The following USH2A variants were observed in gnomAD, a reference collection of about 807,000 sequenced individuals.
USH2A encodes the protein usherin, also known as Usher syndrome 2A (autosomal recessive, mild).
A neutral mutation model predicts 538.9 loss-of-function variants in USH2A; 443 were observed. The observed-to-expected ratio is 0.82, with a 90% CI of 0.76 to 0.89. The LOEUF is 0.89. Ranked by LOEUF, USH2A falls within the 40% of genes least tolerant of loss-of-function variation. The pLI, the probability that USH2A is intolerant of heterozygous loss-of-function variation, is 0.00. For missense variants in USH2A, 6,633 were observed against 6,324.8 expected, an observed-to-expected ratio of 1.05 and a Z score of -1.65; for synonymous variants, 2,413 against 2,273.5, an observed-to-expected ratio of 1.06 and a Z score of -1.75.
chr1:216,126,827 A>T (rs1250069553), intron 21 of USH2A, among the ~76,000 whole-genome samples: 2 of 152,180 alleles, frequency 1.3e-5, no homozygotes, highest in East Asian at 3.9e-4. Flanking sequence ...ATCAATGGGG[A>T]TACTTAATGT....
intron 47 of USH2A, among the ~76,000 whole-genome samples, chr1:215,834,397 G>A (rs780488847): frequency 9.2e-5 from 14 of 152,122 alleles, no homozygotes; most frequent in Non-Finnish European, 1.8e-4. Flanking sequence ...TAATAAGATG[G>A]ACAAATCTTA....
chr1:216,283,266 A>G (rs1248527412), intron 11 of USH2A, among the ~76,000 whole-genome samples: 1 of 151,902 alleles, frequency 6.6e-6, no homozygotes, highest in East Asian at 1.9e-4. Context: ...TTGTTTTTGT[A>G]TTTGTAATAG....
intron 35 of USH2A, among the ~76,000 whole-genome samples, chr1:215,973,141 G>A (rs1181017065): frequency 6.6e-6 from 1 of 152,050 alleles, no homozygotes; most frequent in Non-Finnish European, 1.5e-5. Context: ...CCCTTGAAAT[G>A]CTACCTATTT....
chr1:215,703,793 G>C (rs1659102157), intron 61 of USH2A, among the ~76,000 whole-genome samples: 1 of 152,146 alleles, frequency 6.6e-6, no homozygotes, highest in Non-Finnish European at 1.5e-5. Flanking sequence ...CGGCTCCCTG[G>C]CTTCAGCCCC....
At chr1:216,207,630 A>G (rs903995792) in intron 15 of USH2A, among the ~76,000 whole-genome samples, 199 bp from the exon 16 acceptor site, 5 of 152,116 alleles carry the variant, frequency 3.3e-5, no homozygotes, top group African/African-American at 4.8e-5. Context: ...GCATAAAAAA[A>G]CTTTTTAGGT....
intron 47 of USH2A, among the ~76,000 whole-genome samples, chr1:215,825,304 C>T (rs1163817047): frequency 1.3e-5 from 2 of 152,094 alleles, no homozygotes; most frequent in African/African-American, 2.4e-5. Context: ...CTGACTCAGC[C>T]TCCCAACTAG....
chr1:216,162,233 T>C (rs9661602), intron 21 of USH2A, among the ~76,000 whole-genome samples: 32,160 of 151,962 alleles, frequency 0.21, 3,437 homozygotes, highest in Admixed American at 0.25. Context: ...ACAATTACAA[T>C]TGACCGTTGA....
In USH2A at chr1:216,219,921, C is replaced by T. The variant is rs1000651999; in HGVS notation, c.2994-2371G>A. Among the ~76,000 whole-genome samples, 9 of 152,222 alleles carry T rather than the reference C, an allele frequency of 5.9e-5. No homozygotes were observed. The South Asian group carries it at 1.7e-3, about 28-fold the overall frequency. On this transcript the variant is annotated intron_variant, in intron 14 of 71. Coordinates refer to ENST00000307340, the MANE Select transcript of USH2A (RefSeq NM_206933.4). ...GCCAGCACTTTGCTATGATAGTTCT[C>T]TTTGGACCCTTACATAACTCAGTAT...
intron 61 of USH2A, among the ~76,000 whole-genome samples, chr1:215,704,184 A>AGTT (rs1659115072): frequency 6.6e-6 from 1 of 152,130 alleles, no homozygotes; most frequent in African/African-American, 2.4e-5. Flanking sequence ...CGGGTATCTC[A>AGTT]GTTGGAAATG....
At chr1:215,710,521 A>C (rs1194915276) in intron 61 of USH2A, among the ~76,000 whole-genome samples, 1 of 151,724 alleles carries the variant, frequency 6.6e-6, no homozygotes, top group Non-Finnish European at 1.5e-5. Flanking sequence ...GGGTCTTAAC[A>C]GTCATGCGTG....
intron 70 of USH2A, among the ~76,000 whole-genome samples, chr1:215,631,483 T>G (rs1053898461): frequency 6.6e-6 from 1 of 152,202 alleles, no homozygotes; most frequent in African/African-American, 2.4e-5. Flanking sequence ...TCTCTCATGG[T>G]CTCCAACTTT....
At chr1:216,012,537 G>A (rs1400993609) in intron 32 of USH2A, among the ~76,000 whole-genome samples, 1 of 152,060 alleles carries the variant, frequency 6.6e-6, no homozygotes, top group Non-Finnish European at 1.5e-5. Flanking sequence ...CCTCAGTTTA[G>A]CCTTCTCACC....
At chr1:216,057,968 C>T (rs1243454991) in intron 30 of USH2A, among the ~76,000 whole-genome samples, 1 of 152,162 alleles carries the variant, frequency 6.6e-6, no homozygotes, top group East Asian at 1.9e-4. Context: ...AGCCATGTGA[C>T]TAAGTTCTGG....
chr1:216,063,571 A>G (rs2031254273), intron 30 of USH2A, among the ~76,000 whole-genome samples: 1 of 152,226 alleles, frequency 6.6e-6, no homozygotes, highest in Non-Finnish European at 1.5e-5. Flanking sequence ...GTAGTGAAAA[A>G]ATCACTAAAA....
chr1:216,421,229 A>G (rs147516392), intron 2 of USH2A, among the ~76,000 whole-genome samples: 102 of 152,286 alleles, frequency 6.7e-4, no homozygotes, highest in African/African-American at 2.2e-3. Flanking sequence ...GCTTTTGAGA[A>G]TCTCTCACAC....
chr1:216,165,280 C>T (rs1047662282), intron 21 of USH2A, among the ~76,000 whole-genome samples: 2 of 152,004 alleles, frequency 1.3e-5, no homozygotes, highest in Non-Finnish European at 2.9e-5. Context: ...TATTCATTAA[C>T]CTCAAAATTT....
intron 64 of USH2A, among the ~76,000 whole-genome samples, chr1:215,662,405 T>G (rs1352067981): frequency 1.3e-5 from 2 of 152,240 alleles, no homozygotes; most frequent in Non-Finnish European, 2.9e-5. Context: ...CCAACCCATC[T>G]TCACATGGAT....
chr1:216,196,508 G>T, intron 19 of USH2A, 45 bp downstream of exon 19: 1 of 1,607,794 alleles, frequency 6.2e-7, no homozygotes, highest in Non-Finnish European at 8.5e-7. Flanking sequence ...TCCAAATGAA[G>T]CCCTAAGCCA....
chr1:216,407,242 C>T (rs1481278890), intron 3 of USH2A, among the ~76,000 whole-genome samples: 2 of 152,044 alleles, frequency 1.3e-5, no homozygotes, highest in African/African-American at 4.8e-5. Context: ...AGAAGTATGT[C>T]ATGTAATCAT....
Sources: allele counts gnomAD v4.1 joint callset (sites outside exome capture counted in the v4.1 genomes callset), GRCh38; gene constraint gnomAD v4.1.1; transcripts MANE v1.5; gene names NCBI Gene and HGNC (gene_info 2026-07-23, HGNC 2026-07-21).